RPN1: variants seen among roughly 807,000 people sequenced by gnomAD.
The protein encoded by RPN1 is ribophorin I.
Under a neutral mutation model 55.5 loss-of-function variants are expected in RPN1, and 12 were observed. The ratio of observed to expected loss-of-function variants is 0.22; its 90% CI spans 0.14 to 0.35. RPN1 has a LOEUF of 0.35. RPN1 is among the 10% of genes least tolerant of loss of function. RPN1 has a pLI of 1.00. For synonymous variants in RPN1, 317 were observed against 305.9 expected (o/e 1.04, Z -0.38); for missense variants, 679 against 761.3 (o/e 0.89, Z 1.27).
chr3:128,638,965 C>CA (rs898786567), intron 2 of RPN1, among the ~76,000 whole-genome samples: 1,942 of 143,230 alleles, frequency 0.014, 38 homozygotes, highest in African/African-American at 0.045. Flanking sequence ...GACTCCATCT[C>CA]AAAAAAAAAA....
Position 128,620,597 on chromosome 3 carries a change from G to A in RPN1, c.1642-4C>T. 1.2e-6 allele frequency: 2 copies of A among 1,612,330 alleles called. No homozygotes were observed. Among genetic ancestry groups the A allele is most frequent in the Non-Finnish European group, 1.7e-6 (2 of 1,179,080 alleles). ...CCAGCTTCTGCATTTCGCTCACCTGGCCGAGGCAAGAGCAGGGCAGGACTT... is the reference window on the plus strand; with the variant it reads ...CCAGCTTCTGCATTTCGCTCACCTGACCGAGGCAAGAGCAGGGCAGGACTT... On this transcript the variant is annotated splice_region_variant and splice_polypyrimidine_tract_variant and intron_variant, in intron 9 of 9. Transcript: ENST00000296255.
chr3:128,650,508 G>C (rs2069809725), intron 1 of RPN1, 32 bp downstream of exon 1: 4 of 1,512,428 alleles, frequency 2.6e-6, no homozygotes, highest in Non-Finnish European at 3.5e-6. Flanking sequence ...GAAGGGTCCC[G>C]GGAGCGGCGG....
intron 2 of RPN1, among the ~76,000 whole-genome samples, chr3:128,643,365 A>G (rs1576799161): frequency 6.6e-6 from 1 of 150,838 alleles, no homozygotes; most frequent in Admixed American, 6.6e-5. Flanking sequence ...AGGATCACAC[A>G]GTAATTGAAA....
In RPN1 at chr3:128,644,293, T is replaced by G. The variant is rs149653483; in HGVS notation, c.326+626A>C. On this transcript the variant is annotated intron_variant, in intron 2 of 9. Coordinates refer to ENST00000296255, the MANE Select transcript of RPN1 (RefSeq NM_002950.4). ...GGGAATCCAATTTCAGCATTAGTAA[T>G]GAGAAGTCATAAATGAGTCCAGAAT... is the stretch of plus-strand genomic sequence containing the variant. 8.7e-4 allele frequency among the ~76,000 whole-genome samples: 132 copies of G among 152,270 alleles called. 1 individual carries two copies. Among genetic ancestry groups the G allele is most frequent in the African/African-American group, 2.8e-3 (118 of 41,576 alleles).
chr3:128,630,246 T>A, intron 4 of RPN1, 103 bp from the exon 5 acceptor site: 1 of 669,362 alleles, frequency 1.5e-6, no homozygotes, highest in Non-Finnish European at 2.4e-6. Context: ...CACATGGTAC[T>A]ACTTAATTAA....
At chr3:128,626,678 C>A (rs1472015082) in intron 6 of RPN1, 55 bp downstream of exon 6, 1 of 1,508,562 alleles carries the variant, frequency 6.6e-7, no homozygotes, top group African/African-American at 1.4e-5. Context: ...CTTAGGGTAC[C>A]ACAAGGGTAC....
rs937736149 is a variant in RPN1 at position 128,637,736 on chromosome 3, T to C, written c.633+63A>G. On this transcript the variant is annotated intron_variant, in intron 3 of 9. Coordinates refer to ENST00000296255, the MANE Select transcript of RPN1 (RefSeq NM_002950.4). Reference sequence around the variant, plus strand: ...CACACCACCCAAGCCTATCAACCAGTAGTCACTCTGCAAGACATTCTCTGA... The same window carrying C: ...CACACCACCCAAGCCTATCAACCAGCAGTCACTCTGCAAGACATTCTCTGA... 19 of 1,523,030 alleles carry C rather than the reference T, an allele frequency of 1.2e-5. No individual in the cohort carries two copies. The African/African-American group carries it at 1.6e-4, about 13-fold the overall frequency. The allele number at this position is 1,523,030 out of a possible 1,614,324, so 94.3% of individuals were successfully genotyped here.
chr3:128,629,931 C>T lies in RPN1; in HGVS notation c.1036+20G>A, dbSNP rs1475377958. 7 of 1,405,924 alleles carry T rather than the reference C, an allele frequency of 5.0e-6. No individual in the cohort carries two copies. The highest frequency in any genetic ancestry group is 3.6e-4 in the Middle Eastern group (2 of 5,566). 87.1% of individuals were successfully genotyped at this position (1,405,924 alleles called of 1,614,324 possible). A position where few individuals can be genotyped will look rare whatever the true frequency, so the allele number is the denominator to read the frequency against. On this transcript the variant is annotated intron_variant, in intron 5 of 9. Transcript: ENST00000296255. ...AAATTAAAGAAAAGGTTAGTTTCTC[C>T]CTTACTATTGAAGACTGACCCAAAT...
chr3:128,644,749 A>C (rs2069754070), intron 2 of RPN1, 170 bp downstream of exon 2: 1 of 647,708 alleles, frequency 1.5e-6, no homozygotes, highest in Non-Finnish European at 2.8e-6. Context: ...GCTTGAGCTC[A>C]GGAGTTCAAG....
intron 1 of RPN1, among the ~76,000 whole-genome samples, chr3:128,647,908 T>G (rs573868459): frequency 7.7e-4 from 117 of 152,212 alleles, no homozygotes; most frequent in Middle Eastern, 3.4e-3. Context: ...TGGCTCCTAG[T>G]CAGTAACCAC....
rs1012496193 is a variant in RPN1, at chr3:128,630,107, G to A, written c.880C>T (p.Arg294Trp). ...GTAGAAACATTGCCAATCTCATCCC[G>A]GTAATAAACATCCTGGGCAGCAGCA... ...LPAAAQDVYY[R>W]DEIGNVSTSH... The change falls in exon 5 of 10, where the codon CGG becomes TGG. Residue 294 changes from arginine (R) to tryptophan (W), a missense_variant. By Grantham distance (101) the Arg-to-Trp change is moderately radical. Transcript: ENST00000296255. 4.3e-6 allele frequency: 7 copies of A among 1,613,204 alleles called. No homozygotes were observed. The highest frequency in any genetic ancestry group is 1.3e-5 in the African/African-American group (1 of 74,844).
Position 128,650,749 on chromosome 3 carries a change from C to T in RPN1, c.52G>A (p.Ala18Thr). Residue 18 changes from alanine (A) to threonine (T), a missense_variant, in exon 1 of 10, where the codon GCC (alanine) becomes ACC (threonine). Transcript: ENST00000296255. ...LFLLLLLGTW[A>T]PAPGSASSEA... ...GAGGAGGCGCTGCCCGGCGCCGGGG[C>T]CCAAGTCCCAAGCAACAGGAGCAGA... 6.4e-7 allele frequency: 1 copy of T among 1,550,740 alleles called. No homozygotes were observed. Among genetic ancestry groups the T allele is most frequent in the Non-Finnish European group, 8.7e-7 (1 of 1,147,044 alleles).
chr3:128,624,372 C>T (rs1273670916), intron 8 of RPN1, among the ~76,000 whole-genome samples: 1 of 151,828 alleles, frequency 6.6e-6, no homozygotes, highest in African/African-American at 2.4e-5. Context: ...CCCAGCTATT[C>T]GAGAGGCCAA....
chr3:128,647,027 G>A (rs984721093), intron 1 of RPN1, among the ~76,000 whole-genome samples: 2 of 151,628 alleles, frequency 1.3e-5, no homozygotes, highest in African/African-American at 4.8e-5. Context: ...AGGAGCCAAT[G>A]ACCACTGTTT....
intron 2 of RPN1, chr3:128,644,439 T>G: frequency 6.9e-6 from 2 of 290,836 alleles, no homozygotes; most frequent in Non-Finnish European, 1.4e-5. Flanking sequence ...AGGACAGGAG[T>G]TCAAGACCAG....
intron 2 of RPN1, among the ~76,000 whole-genome samples, chr3:128,638,783 T>A (rs986617003): frequency 6.6e-6 from 1 of 151,974 alleles, no homozygotes; most frequent in Non-Finnish European, 1.5e-5. Context: ...CTGGCCAACA[T>A]GGCAAAACCC....
rs373744361 is a variant in RPN1, at chr3:128,635,634, T to G, written c.633+2165A>C. Reference sequence around the variant, plus strand: ...TGAGATATATATATATATATATATATATATAGATATATATATATATATATA... The same window carrying G: ...TGAGATATATATATATATATATATAGATATAGATATATATATATATATATA... On this transcript the variant is annotated intron_variant, in intron 3 of 9. Transcript: ENST00000296255. 5.2e-4 allele frequency among the ~76,000 whole-genome samples: 12 copies of G among 23,054 alleles called. No homozygotes were observed. The South Asian group carries it at 6.6e-3, about 13-fold the overall frequency. The allele number at this position is 23,054 out of a possible 152,430, so 15.1% of individuals were successfully genotyped here.
At chr3:128,624,180 T>A (rs191696278) in intron 8 of RPN1, among the ~76,000 whole-genome samples, 9 of 152,284 alleles carry the variant, frequency 5.9e-5, no homozygotes, top group Admixed American at 2.6e-4. Flanking sequence ...GTATTTCCTA[T>A]CTGCATTTGA....
At position 128,620,377 on chromosome 3, in the gene RPN1, G is replaced by A; in HGVS notation, c.*34C>T. ...ATCTGCCTGCCACAGCAAAGTGCAG[G>A]CACCCTGGGCCCCCTGGAGGATGCG... On this transcript the variant is annotated 3_prime_UTR_variant, in exon 10 of 10. Coordinates refer to ENST00000296255, the MANE Select transcript of RPN1 (RefSeq NM_002950.4). 6.3e-7 allele frequency: 1 copy of A among 1,584,236 alleles called. No homozygotes were observed. Among genetic ancestry groups the A allele is most frequent in the Non-Finnish European group, 8.6e-7 (1 of 1,160,906 alleles).
Sources: allele counts gnomAD v4.1 joint callset (sites outside exome capture counted in the v4.1 genomes callset), GRCh38; gene constraint gnomAD v4.1.1; transcripts MANE v1.5; gene names NCBI Gene and HGNC (gene_info 2026-07-23, HGNC 2026-07-21).